The following KANK1 variants were observed in gnomAD, a reference collection of about 807,000 sequenced individuals.
KANK1 encodes the protein KN motif and ankyrin repeat domains 1.
KANK1 carries 109 observed loss-of-function variants against 106.2 expected under a neutral mutation model. That is an observed-to-expected ratio of 1.03 (90% CI 0.88 to 1.20). The LOEUF is 1.20. Ranked by LOEUF, KANK1 falls within the 50% of genes most tolerant of loss-of-function variation. The pLI is 0.00. For synonymous variants in KANK1, 873 were observed against 652.2 expected (o/e 1.34, Z -5.16); for missense variants, 2,399 against 1,710.7 (o/e 1.40, Z -7.10).
At chr9:655,783 A>G (rs1406210524) in intron 1 of KANK1, among the ~76,000 whole-genome samples, 1 of 152,254 alleles carries the variant, frequency 6.6e-6, no homozygotes, top group Non-Finnish European at 1.5e-5. Flanking sequence ...TTTGCCATTA[A>G]TGACTATTTC....
chr9:581,785 C>G (rs1384647047), intron 1 of KANK1, among the ~76,000 whole-genome samples: 1 of 152,136 alleles, frequency 6.6e-6, no homozygotes, highest in Non-Finnish European at 1.5e-5. Context: ...TCCGTTTACA[C>G]CAGTCCCTAC....
At position 711,653 on chromosome 9, in the gene KANK1, A is replaced by G; in HGVS notation, c.887A>G (p.Glu296Gly). 2.5e-6 allele frequency: 4 copies of G among 1,614,188 alleles called. No individual in the cohort carries two copies. In the South Asian group the frequency reaches 3.3e-5, roughly 13 times the overall value. Residue 296 changes from glutamate (E) to glycine (G), a missense_variant, in exon 3 of 12, where the codon GAA becomes GGA. Coordinates refer to ENST00000382297, the MANE Select transcript of KANK1 (RefSeq NM_015158.5). ...VLQVKISVLQ[E>G]EKRQLVSQLK... ...CAGGTAAAGATCTCTGTCTTGCAAG[A>G]AGAGAAAAGGCAGTTGGTCTCACAG...
chr9:490,334 C>T (rs775455346), intron 3 of KANK1, among the ~76,000 whole-genome samples: 2 of 152,040 alleles, frequency 1.3e-5, no homozygotes, highest in Non-Finnish European at 2.9e-5. Flanking sequence ...AGTGATACCT[C>T]ATCCCTACTA....
At chr9:729,506 CA>C (rs1831636264) in intron 3 of KANK1, among the ~76,000 whole-genome samples, 1 of 152,230 alleles carries the variant, frequency 6.6e-6, no homozygotes, top group Non-Finnish European at 1.5e-5. Flanking sequence ...CATCTCTATA[CA>C]GCGAGTCCTG....
chr9:487,137 G>T lies in KANK1; in HGVS notation c.-362+13864G>T, dbSNP rs1420518816. On this transcript the variant is annotated intron_variant, in intron 3 of 15. Coordinates refer to the KANK1 transcript ENST00000382303. ...AGATGGTTGAGGAGGGGAGCTGCAG[G>T]CACGGAGAACAGCTTAGAAGGCTGC... 2.0e-5 allele frequency among the ~76,000 whole-genome samples: 3 copies of T among 152,154 alleles called. No homozygotes were observed. The South Asian group carries it at 6.2e-4, about 31-fold the overall frequency.
intron 1 of KANK1, among the ~76,000 whole-genome samples, chr9:551,999 C>A (rs189197909): frequency 6.6e-6 from 1 of 151,978 alleles, no homozygotes; most frequent in African/African-American, 2.4e-5. Flanking sequence ...AAGGCTGCAA[C>A]GAGCTATGAT....
intron 1 of KANK1, among the ~76,000 whole-genome samples, chr9:631,648 G>A (rs1454141367): frequency 6.6e-6 from 1 of 152,220 alleles, no homozygotes; most frequent in Non-Finnish European, 1.5e-5. Context: ...GAGCTCAGGT[G>A]TCTTTCAGTG....
intron 1 of KANK1, among the ~76,000 whole-genome samples, chr9:606,142 T>TAC (rs3028170): frequency 0.059 from 8,356 of 141,660 alleles, 532 homozygotes; most frequent in African/African-American, 0.15. Flanking sequence ...CACATATTCC[T>TAC]ACACACACAC....
chr9:619,672 A>T (rs1458220521), intron 1 of KANK1, among the ~76,000 whole-genome samples: 3 of 152,176 alleles, frequency 2.0e-5, no homozygotes, highest in Non-Finnish European at 4.4e-5. Flanking sequence ...CAGAATGCAG[A>T]TGTTCGTAGA....
chr9:620,024 C>G (rs571949671), intron 1 of KANK1, among the ~76,000 whole-genome samples: 1 of 152,054 alleles, frequency 6.6e-6, no homozygotes. Context: ...GTAATCCCAG[C>G]TGCTAGGGAG....
chr9:622,071 T>A (rs748066594), intron 1 of KANK1, among the ~76,000 whole-genome samples: 1 of 152,224 alleles, frequency 6.6e-6, no homozygotes. Flanking sequence ...AGTCTACTTT[T>A]AGAGCTTTTG....
chr9:652,238 G>A (rs1238370513), intron 1 of KANK1, among the ~76,000 whole-genome samples: 1 of 152,132 alleles, frequency 6.6e-6, no homozygotes, highest in African/African-American at 2.4e-5. Context: ...TTTGCAGTGT[G>A]GGCCAGGTGC....
chr9:611,003 A>C lies in KANK1; in HGVS notation c.-83-65887A>C, dbSNP rs1431962738. On this transcript the variant is annotated intron_variant, in intron 1 of 11. Coordinates refer to ENST00000382297, the MANE Select transcript of KANK1 (RefSeq NM_015158.5). ...ATTGTTTTTGAATTCTTTGTCTCTGACAGAAGGCATCTTCTGTATCCTTTA... is the reference window on the plus strand; with the variant it reads ...ATTGTTTTTGAATTCTTTGTCTCTGCCAGAAGGCATCTTCTGTATCCTTTA... Among the ~76,000 whole-genome samples the C allele has an allele frequency of 3.9e-5, 6 of 152,272 alleles. No homozygotes were observed. In the East Asian group the frequency reaches 9.6e-4, roughly 24 times the overall value.
intron 2 of KANK1, among the ~76,000 whole-genome samples, chr9:704,182 T>A (rs1348773817): frequency 6.6e-6 from 1 of 152,196 alleles, no homozygotes; most frequent in African/African-American, 2.4e-5. Flanking sequence ...TCAGTGTAAC[T>A]CCAAGTAAAC....
At chr9:607,250 C>A (rs771414983) in intron 1 of KANK1, among the ~76,000 whole-genome samples, 5 of 151,656 alleles carry the variant, frequency 3.3e-5, no homozygotes, top group Admixed American at 6.6e-5. Flanking sequence ...TTTTGGGAGG[C>A]CAAGGCGGGT....
At chr9:625,126 C>T (rs1369326481) in intron 1 of KANK1, among the ~76,000 whole-genome samples, 2 of 152,144 alleles carry the variant, frequency 1.3e-5, no homozygotes, top group Non-Finnish European at 2.9e-5. Context: ...ACCCACAGCC[C>T]GCAGATCTCT....
intron 7 of KANK1, among the ~76,000 whole-genome samples, chr9:736,118 C>T (rs1261582636): frequency 9.9e-5 from 15 of 152,082 alleles, no homozygotes; most frequent in Admixed American, 2.0e-4. Flanking sequence ...CCACAACGCC[C>T]GGCTAATTTT....
chr9:669,923 A>G (rs966101447), intron 1 of KANK1, among the ~76,000 whole-genome samples: 1 of 151,930 alleles, frequency 6.6e-6, no homozygotes, highest in Non-Finnish European at 1.5e-5. Context: ...ATATATTTCC[A>G]TTCATTTTAC....
chr9:540,017 G>T (rs1449504087), intron 1 of KANK1, among the ~76,000 whole-genome samples: 2 of 152,052 alleles, frequency 1.3e-5, no homozygotes, highest in African/African-American at 4.8e-5. Context: ...TTCCATTTTT[G>T]ATGTATTTTA....
Sources: allele counts gnomAD v4.1 joint callset (sites outside exome capture counted in the v4.1 genomes callset), GRCh38; gene constraint gnomAD v4.1.1; transcripts MANE v1.5; gene names NCBI Gene and HGNC (gene_info 2026-07-23, HGNC 2026-07-21).